Variants in TG observed in about 807,000 individuals in gnomAD.
TG encodes the protein thyroglobulin, also known as thyroid hormones.
Under a neutral mutation model 324.7 loss-of-function variants are expected in TG, and 270 were observed. That is an observed-to-expected ratio of 0.83 (90% confidence interval 0.75 to 0.92). TG has a LOEUF of 0.92. Among genes scored for constraint, TG ranks in the 40% least tolerant of loss-of-function variants. TG has a pLI of 0.00. For synonymous variants in TG, 1,401 were observed against 1,327.0 expected (o/e 1.06, Z -1.21); for missense variants, 3,591 against 3,456.4 (o/e 1.04, Z -0.98).
At chr8:133,116,835 G>A in intron 45 of TG, 119 bp downstream of exon 45, 1 of 840,642 alleles carries the variant, frequency 1.2e-6, no homozygotes. Flanking sequence ...CTGAGAAATA[G>A]AAATAATTGT....
At chr8:132,926,326 A>G (rs1250591708) in intron 22 of TG, among the ~76,000 whole-genome samples, 1 of 152,180 alleles carries the variant, frequency 6.6e-6, no homozygotes. Context: ...GCTTCAGTCC[A>G]ACAGTTTTTC....
rs112449749 is a variant in TG at position 132,936,497 on chromosome 8, G to A, written c.5041+633G>A. On this transcript the variant is annotated intron_variant, in intron 25 of 47. Transcript: ENST00000220616. ...TAGAGAGTGCCAGTGCTGCTGGTCC[G>A]GGGACCACACTTTGAGTAGCAAGCT... 5.6e-3 allele frequency among the ~76,000 whole-genome samples: 856 copies of A among 152,310 alleles called. 13 individuals are homozygous for A. The highest frequency in any genetic ancestry group is 0.018 in the African/African-American group (752 of 41,558).
intron 34 of TG, among the ~76,000 whole-genome samples, chr8:132,979,479 A>G (rs1315531854): frequency 3.9e-5 from 6 of 152,074 alleles, no homozygotes; most frequent in African/African-American, 1.4e-4. Flanking sequence ...CCACATAGAA[A>G]CTTCCATATG....
chr8:132,970,296 A>G (rs1371042225), intron 32 of TG, among the ~76,000 whole-genome samples: 1 of 152,082 alleles, frequency 6.6e-6, no homozygotes, highest in Non-Finnish European at 1.5e-5. Flanking sequence ...CTCTCCTAGT[A>G]TTGTCTGTGG....
chr8:132,873,546 T>C (rs915169578), intron 5 of TG, among the ~76,000 whole-genome samples: 1 of 152,160 alleles, frequency 6.6e-6, no homozygotes, highest in African/African-American at 2.4e-5. Context: ...CATCAAAACG[T>C]GGCTTGCTGA....
At chr8:132,900,942 T>G (rs561384016) in intron 15 of TG, among the ~76,000 whole-genome samples, 1 of 152,302 alleles carries the variant, frequency 6.6e-6, no homozygotes, top group South Asian at 2.1e-4. Flanking sequence ...CTGTGCCACC[T>G]GCAATATGTC....
In TG at chr8:132,929,161, T is replaced by C. The variant is rs1373696112; in HGVS notation, c.4785T>C (p.Asp1595=). ...APVAVRSKVP[D]SEFPVMQCLT... Reference sequence around the variant, plus strand: ...TGGCTGTCAGATCCAAAGTTCCTGATTCTGAGTTCCCCGTGATGCAGTGCT... The same window carrying C: ...TGGCTGTCAGATCCAAAGTTCCTGACTCTGAGTTCCCCGTGATGCAGTGCT... Residue 1595 remains aspartate (D), a synonymous_variant, in exon 23 of 48, where the codon GAT becomes GAC. Transcript: ENST00000220616. The C allele has an allele frequency of 1.9e-6, 3 of 1,614,068 alleles. No homozygotes were observed. Among genetic ancestry groups the C allele is most frequent in the Non-Finnish European group, 2.5e-6 (3 of 1,180,024 alleles).
chr8:133,105,244 A>G (rs1362908162), intron 43 of TG, among the ~76,000 whole-genome samples: 1 of 152,192 alleles, frequency 6.6e-6, no homozygotes, highest in Non-Finnish European at 1.5e-5. Context: ...CTGTCTGTGT[A>G]CAAACCATTC....
At chr8:132,965,561 T>C (rs2741222) in intron 29 of TG, among the ~76,000 whole-genome samples, 60,593 of 152,190 alleles carry the variant, frequency 0.4, 14,832 homozygotes, top group Admixed American at 0.52. Flanking sequence ...GCCATCGTTG[T>C]ACATCCCCCT....
chr8:133,097,971 G>C (rs924540306), intron 43 of TG, among the ~76,000 whole-genome samples: 3 of 152,066 alleles, frequency 2.0e-5, no homozygotes, highest in African/African-American at 7.2e-5. Context: ...TGTGTTGCAA[G>C]GGGGGGTGTC....
intron 43 of TG, chr8:133,102,718 T>A: frequency 1.4e-6 from 1 of 691,322 alleles, no homozygotes; most frequent in Non-Finnish European, 2.5e-6. Flanking sequence ...CTGCCTACAT[T>A]ATCCAGGCAT....
At chr8:133,012,093 T>C (rs1834564089) in intron 36 of TG, 58 bp downstream of exon 36, 3 of 1,609,624 alleles carry the variant, frequency 1.9e-6, no homozygotes, top group African/African-American at 2.7e-5. Flanking sequence ...CAAGTGCTGC[T>C]CAAGATTCTC....
chr8:133,038,654 G>T (rs1313449425), intron 41 of TG: 1 of 1,613,630 alleles, frequency 6.2e-7, no homozygotes, highest in Admixed American at 1.7e-5. Context: ...CAGGTAAGAG[G>T]CAATGCTCTC....
intron 20 of TG, among the ~76,000 whole-genome samples, chr8:132,913,895 G>A (rs1819902767): frequency 6.6e-6 from 1 of 152,148 alleles, no homozygotes; most frequent in Non-Finnish European, 1.5e-5. Flanking sequence ...TGAGCTGTTG[G>A]CAGGGCCTGC....
chr8:133,004,426 CTGGGGCTGCCTCTGTAACCT>C (rs1833841000), intron 35 of TG, among the ~76,000 whole-genome samples: 1 of 152,104 alleles, frequency 6.6e-6, no homozygotes, highest in Admixed American at 6.6e-5. Context: ...GCACTGTGAC[CTGGGGCTGCCTCTGTAACCT>C]TGGGGGTGCC....
In TG at chr8:132,913,250, G is replaced by A; in HGVS notation, c.4363G>A (p.Asp1455Asn). The change falls in exon 20 of 48, where the codon GAC (aspartate) becomes AAC (asparagine). Residue 1455 changes from aspartate to asparagine, a missense_variant. Transcript: ENST00000220616. ...AGTCTTGACAAGTGAGGCCAGTCAG[G>A]ACGGACTGGGATGCGGTAGGTCCAC... ...YQVLTSEASQ[D>N]GLGCVKCPEG... The A allele has an allele frequency of 6.2e-7, 1 of 1,614,122 alleles. No homozygotes were observed. Among genetic ancestry groups the A allele is most frequent in the Non-Finnish European group, 8.5e-7 (1 of 1,180,026 alleles).
chr8:133,095,311 C>G (rs1394592592), intron 42 of TG, 103 bp downstream of exon 42: 55 of 1,520,732 alleles, frequency 3.6e-5, no homozygotes, highest in Non-Finnish European at 4.8e-5. Context: ...CCATACCACA[C>G]ATGAGGCTGA....
chr8:132,912,901 G>A, intron 19 of TG, 146 bp from the exon 20 acceptor site: 1 of 817,600 alleles, frequency 1.2e-6, no homozygotes. Flanking sequence ...CTGGGCCTCA[G>A]TTCCTCCCTC....
At chr8:132,960,860 A>G in intron 27 of TG, 148 bp from the exon 28 acceptor site, 1 of 814,880 alleles carries the variant, frequency 1.2e-6, no homozygotes, top group Non-Finnish European at 2.1e-6. Context: ...TAGAGCTGCA[A>G]GAAGCTTCTG....
Sources: gnomAD v4.1 joint callset for allele counts (sites outside exome capture counted in the v4.1 genomes callset) on GRCh38, gnomAD v4.1.1 for gene constraint, MANE v1.5 for transcripts, NCBI Gene and HGNC (gene_info 2026-07-23, HGNC 2026-07-21) for gene names.